SEMA6D: variants seen among roughly 807,000 people sequenced by gnomAD.
SEMA6D encodes the protein semaphorin-6D.
A neutral mutation model predicts 106.6 loss-of-function variants in SEMA6D; 35 were observed. The observed-to-expected ratio is 0.33, with a 90% CI of 0.25 to 0.44. The LOEUF (loss-of-function observed/expected upper bound fraction) is 0.44. Ranked by LOEUF, SEMA6D falls within the 20% of genes least tolerant of loss-of-function variation. The pLI is 1.00. For synonymous variants in SEMA6D, 499 were observed against 487.7 expected (o/e 1.02, Z -0.31); for missense variants, 1,185 against 1,345.9 (o/e 0.88, Z 1.87).
chr15:47,375,831 T>C (rs1737215273), intron 1 of SEMA6D, among the ~76,000 whole-genome samples: 1 of 152,232 alleles, frequency 6.6e-6, no homozygotes, highest in South Asian at 2.1e-4. Flanking sequence ...AGGCATTACA[T>C]ATACATTTAT....
chr15:47,733,319 AG>A (rs1446673759), intron 1 of SEMA6D, among the ~76,000 whole-genome samples: 1 of 152,200 alleles, frequency 6.6e-6, no homozygotes, highest in East Asian at 1.9e-4. Flanking sequence ...ACAATAAATC[AG>A]TCCTAAGACA....
chr15:47,651,688 C>T (rs2077695250), intron 4 of SEMA6D, among the ~76,000 whole-genome samples: 1 of 152,246 alleles, frequency 6.6e-6, no homozygotes, highest in South Asian at 2.1e-4. Context: ...ACATCTGATA[C>T]TCGATTCATG....
At chr15:47,283,802 C>G (rs1045015329) in intron 1 of SEMA6D, among the ~76,000 whole-genome samples, 5 of 152,196 alleles carry the variant, frequency 3.3e-5, no homozygotes, top group Admixed American at 3.3e-4. Flanking sequence ...CTCACCCTTG[C>G]CACAGCTGGC....
At chr15:47,240,197 C>T (rs930189540) in intron 1 of SEMA6D, among the ~76,000 whole-genome samples, 15 of 152,102 alleles carry the variant, frequency 9.9e-5, no homozygotes, top group African/African-American at 3.6e-4. Flanking sequence ...ATTTGTTGGT[C>T]AGCTTGTTGG....
At chr15:47,297,114 T>A (rs1026914701) in intron 1 of SEMA6D, among the ~76,000 whole-genome samples, 1 of 152,282 alleles carries the variant, frequency 6.6e-6, no homozygotes, top group Non-Finnish European at 1.5e-5. Flanking sequence ...TGCAAGCCAG[T>A]TTGGTGAATA....
chr15:47,346,048 A>G (rs1277856915), intron 1 of SEMA6D, among the ~76,000 whole-genome samples: 2 of 152,186 alleles, frequency 1.3e-5, no homozygotes, highest in Admixed American at 1.3e-4. Context: ...CCATATCACT[A>G]AAAGTCATCT....
intron 2 of SEMA6D, among the ~76,000 whole-genome samples, chr15:47,435,323 C>G (rs1026213661): frequency 3.6e-4 from 55 of 152,006 alleles, no homozygotes; most frequent in African/African-American, 1.2e-3. Context: ...CTGTTATTTT[C>G]CAAATTGTTA....
intron 3 of SEMA6D, among the ~76,000 whole-genome samples, chr15:47,584,805 T>G (rs902498129): frequency 5.3e-5 from 8 of 152,148 alleles, no homozygotes; most frequent in Non-Finnish European, 1.0e-4. Context: ...ATTTTTTCAT[T>G]CATGCATGTA....
intron 4 of SEMA6D, among the ~76,000 whole-genome samples, chr15:47,617,860 G>A (rs1354639299): frequency 3.9e-5 from 6 of 152,180 alleles, no homozygotes; most frequent in African/African-American, 1.4e-4. Context: ...GTAACTATTA[G>A]TTACTCTTAA....
chr15:47,334,788 A>G (rs1384973238), intron 1 of SEMA6D, among the ~76,000 whole-genome samples: 5 of 152,224 alleles, frequency 3.3e-5, no homozygotes, highest in African/African-American at 1.2e-4. Flanking sequence ...GTTACACTCC[A>G]TTCCATTACT....
chr15:47,443,493 C>A (rs544965760), intron 2 of SEMA6D, among the ~76,000 whole-genome samples: 8 of 152,232 alleles, frequency 5.3e-5, no homozygotes, highest in African/African-American at 1.9e-4. Context: ...GCCCAGGCAT[C>A]TCCCAGATGT....
intron 1 of SEMA6D, among the ~76,000 whole-genome samples, chr15:47,282,280 C>T (rs1160950120): frequency 6.6e-6 from 1 of 152,162 alleles, no homozygotes; most frequent in African/African-American, 2.4e-5. Context: ...AGATGCTTTT[C>T]ATCTGTTTTT....
chr15:47,495,182 G>A (rs1359905348), intron 3 of SEMA6D, among the ~76,000 whole-genome samples: 3 of 151,838 alleles, frequency 2.0e-5, no homozygotes, highest in Non-Finnish European at 4.4e-5. Flanking sequence ...GGTTGTGCAT[G>A]ATTAAAGAAA....
intron 1 of SEMA6D, among the ~76,000 whole-genome samples, chr15:47,365,040 G>T (rs893579463): frequency 6.6e-6 from 1 of 152,212 alleles, no homozygotes; most frequent in Non-Finnish European, 1.5e-5. Context: ...CAAAAGGGAA[G>T]TTGGGAGGAA....
chr15:47,504,438 A>C (rs1360919381), intron 3 of SEMA6D, among the ~76,000 whole-genome samples: 2 of 152,224 alleles, frequency 1.3e-5, no homozygotes, highest in East Asian at 3.9e-4. Context: ...CCCCATGGCG[A>C]GGGACAGCAA....
At chr15:47,565,744 A>G (rs755103319) in intron 3 of SEMA6D, among the ~76,000 whole-genome samples, 25 of 152,116 alleles carry the variant, frequency 1.6e-4, no homozygotes, top group Admixed American at 3.9e-4. Flanking sequence ...CTTTTCTCCA[A>G]CTCTATCATT....
chr15:47,249,933 G>C (rs774288464), intron 1 of SEMA6D, among the ~76,000 whole-genome samples: 7 of 152,108 alleles, frequency 4.6e-5, no homozygotes, highest in Non-Finnish European at 1.0e-4. Flanking sequence ...GTCTCGGCAG[G>C]CACCTAGTAA....
intron 2 of SEMA6D, among the ~76,000 whole-genome samples, chr15:47,418,419 A>C (rs1567065828): frequency 6.6e-6 from 1 of 152,122 alleles, no homozygotes; most frequent in Non-Finnish European, 1.5e-5. Flanking sequence ...AAGAAGTCCA[A>C]GATCAAGGCA....
intron 4 of SEMA6D, among the ~76,000 whole-genome samples, chr15:47,612,347 A>G (rs550099427): frequency 2.0e-5 from 3 of 152,336 alleles, no homozygotes; most frequent in African/African-American, 2.4e-5. Context: ...TACAAATACA[A>G]TGCAATCATC....
Sources: gnomAD v4.1 joint callset for allele counts (sites outside exome capture counted in the v4.1 genomes callset) on GRCh38, gnomAD v4.1.1 for gene constraint, MANE v1.5 for transcripts, NCBI Gene and HGNC (gene_info 2026-07-23, HGNC 2026-07-21) for gene names.